Variants in TPH2 observed in about 807,000 individuals in gnomAD.
The protein encoded by TPH2 is tryptophan 5-hydroxylase 2.
A neutral mutation model predicts 59.1 loss-of-function variants in TPH2; 27 were observed. The observed-to-expected ratio is 0.46, with a 90% CI of 0.34 to 0.63. The LOEUF is 0.63. TPH2 is among the 30% of genes least tolerant of loss of function. TPH2 has a pLI of 0.01. For synonymous variants in TPH2, 220 were observed against 210.5 expected, an observed-to-expected ratio of 1.05 and a Z score of -0.39; for missense variants, 523 against 588.3, an observed-to-expected ratio of 0.89 and a Z score of 1.15.
rs748626445 is a variant in TPH2 at position 71,938,940 on chromosome 12, C to T, written c.-47C>T. Reference sequence around the variant, plus strand: ...CAATCTCCGCCAGCGCTGCTACTGCCCCTCTAGTACCCCCTGCTGCAGAGA... The same window carrying T: ...CAATCTCCGCCAGCGCTGCTACTGCTCCTCTAGTACCCCCTGCTGCAGAGA... On this transcript the variant is annotated 5_prime_UTR_variant, in exon 1 of 11. Transcript: ENST00000333850. 13 of 1,497,964 alleles carry T rather than the reference C, an allele frequency of 8.7e-6. No individual in the cohort carries two copies. Among genetic ancestry groups the T allele is most frequent in the Non-Finnish European group, 1.1e-5 (12 of 1,075,398 alleles). The allele number at this position is 1,497,964 out of a possible 1,614,324, so 92.8% of individuals were successfully genotyped here.
intron 7 of TPH2, among the ~76,000 whole-genome samples, chr12:71,983,935 C>T (rs1054209859): frequency 6.6e-6 from 1 of 152,136 alleles, no homozygotes; most frequent in African/African-American, 2.4e-5. Flanking sequence ...CGATAACTCA[C>T]AGTTCTTATC....
intron 5 of TPH2, among the ~76,000 whole-genome samples, chr12:71,959,223 T>C (rs565165185): frequency 2.6e-5 from 4 of 152,270 alleles, no homozygotes; most frequent in African/African-American, 7.2e-5. Flanking sequence ...AATGAACATA[T>C]TGGATTTCCA....
At chr12:72,031,470 C>A (rs41317120) in intron 10 of TPH2, 51 bp from the exon 11 acceptor site, 1 of 1,612,498 alleles carries the variant, frequency 6.2e-7, no homozygotes, top group African/African-American at 1.3e-5. Context: ...ATCTATCCCT[C>A]GTACCAATGA....
At position 71,939,688 on chromosome 12, in the gene TPH2, G is replaced by A. The variant is rs527910904; in HGVS notation, c.105+597G>A. Among the ~76,000 whole-genome samples the A allele has an allele frequency of 5.3e-5, 8 of 152,114 alleles. No homozygotes were observed. In the South Asian group the frequency reaches 6.2e-4, roughly 12 times the overall value. On this transcript the variant is annotated intron_variant, in intron 1 of 10. Transcript: ENST00000333850. ...CAGTTTACTTGATGGAATAATGAAA[G>A]CAATACACCACTTGCTATAGTATTT...
At chr12:71,945,857 C>G (rs142572239) in intron 4 of TPH2, among the ~76,000 whole-genome samples, 19 of 152,250 alleles carry the variant, frequency 1.2e-4, no homozygotes, top group African/African-American at 4.6e-4. Context: ...TGAATTCTCT[C>G]AAAGAAACAA....
intron 8 of TPH2, among the ~76,000 whole-genome samples, chr12:72,007,193 A>T (rs144675381): frequency 1.3e-5 from 2 of 152,306 alleles, no homozygotes; most frequent in African/African-American, 4.8e-5. Context: ...CTCCCCTAAG[A>T]GATGTCGAGC....
At chr12:71,993,932 GTCACAACTAC>G (rs1872635450) in intron 7 of TPH2, among the ~76,000 whole-genome samples, 1 of 152,204 alleles carries the variant, frequency 6.6e-6, no homozygotes, top group South Asian at 2.1e-4. Flanking sequence ...TATGATCTCA[GTCACAACTAC>G]TCAACTCTGC....
intron 2 of TPH2, among the ~76,000 whole-genome samples, chr12:71,941,951 G>T (rs1203031559): frequency 6.6e-6 from 1 of 152,158 alleles, no homozygotes; most frequent in African/African-American, 2.4e-5. Context: ...GAGTTAGCTG[G>T]TTAGGAACTC....
intron 5 of TPH2, among the ~76,000 whole-genome samples, chr12:71,966,733 T>C (rs1375476698): frequency 6.6e-6 from 1 of 152,210 alleles, no homozygotes; most frequent in East Asian, 1.9e-4. Flanking sequence ...AGAACACAAT[T>C]GGTGTTGTGA....
chr12:71,949,712 T>C (rs960933722), intron 5 of TPH2, 57 bp downstream of exon 5: 1 of 1,449,746 alleles, frequency 6.9e-7, no homozygotes, highest in African/African-American at 1.4e-5. Flanking sequence ...ACACATGCTG[T>C]GTTAAACAAA....
Position 72,032,063 on chromosome 12 carries a change from T to A in TPH2, c.*368T>A. On this transcript the variant is annotated 3_prime_UTR_variant, in exon 11 of 11. Coordinates refer to ENST00000333850, the MANE Select transcript of TPH2 (RefSeq NM_173353.4). ...AAGCCTTTCCTCTGTGTTCATTAGA[T>A]AAAATGAAAAAAAGCAGTGAAGCTG... The A allele has an allele frequency of 8.5e-6, 2 of 234,128 alleles. No homozygotes were observed. Among genetic ancestry groups the A allele is most frequent in the Non-Finnish European group, 1.7e-5 (2 of 116,790 alleles). 14.5% of individuals were successfully genotyped at this position (234,128 alleles called of 1,614,324 possible). A position where few individuals can be genotyped will look rare whatever the true frequency, so the allele number is the denominator to read the frequency against.
intron 5 of TPH2, among the ~76,000 whole-genome samples, chr12:71,954,604 T>C (rs1227164942): frequency 2.6e-5 from 4 of 152,182 alleles, no homozygotes; most frequent in Admixed American, 6.5e-5. Flanking sequence ...AAATTATGAC[T>C]GCGATGTAGT....
At position 71,944,566 on chromosome 12, in the gene TPH2, A is replaced by C. The variant is rs1871153879; in HGVS notation, c.440-20A>C. On this transcript the variant is annotated intron_variant, in intron 3 of 10. Transcript: ENST00000333850. ...ACAATCTGTGAACTAATATTTTTGA[A>C]CCTGCACTGTTTTCAACAGAGCTAG... 1.2e-6 allele frequency: 2 copies of C among 1,613,696 alleles called. No homozygotes were observed. The highest frequency in any genetic ancestry group is 1.3e-5 in the African/African-American group (1 of 75,004).
intron 8 of TPH2, among the ~76,000 whole-genome samples, chr12:72,016,453 A>G (rs947385856): frequency 2.6e-5 from 4 of 152,146 alleles, no homozygotes; most frequent in African/African-American, 9.7e-5. Context: ...AACTGTGTAC[A>G]AGATAAAGAT....
At chr12:72,021,175 T>C (rs1047365247) in intron 8 of TPH2, among the ~76,000 whole-genome samples, 3 of 152,206 alleles carry the variant, frequency 2.0e-5, no homozygotes, top group Non-Finnish European at 4.4e-5. Flanking sequence ...GCAAAAATAG[T>C]GCGAGTTCAG....
chr12:71,962,568 T>A (rs574029499), intron 5 of TPH2: 1 of 985,330 alleles, frequency 1.0e-6, no homozygotes, highest in African/African-American at 1.7e-5. Context: ...CCTGAATCTT[T>A]GCTTTTTGCA....
chr12:72,008,636 C>T (rs1873018313), intron 8 of TPH2, among the ~76,000 whole-genome samples: 1 of 152,080 alleles, frequency 6.6e-6, no homozygotes, highest in Non-Finnish European at 1.5e-5. Flanking sequence ...GAAAGGAATC[C>T]CCATTTTATA....
chr12:72,001,807 T>C (rs1050528869), intron 8 of TPH2, among the ~76,000 whole-genome samples: 1 of 152,180 alleles, frequency 6.6e-6, no homozygotes, highest in African/African-American at 2.4e-5. Flanking sequence ...TAAACCATTT[T>C]GTTAATTTAA....
chr12:71,944,262 A>G, intron 2 of TPH2, 32 bp from the exon 3 acceptor site: 1 of 1,612,688 alleles, frequency 6.2e-7, no homozygotes, highest in South Asian at 1.1e-5. Flanking sequence ...ATTGTCCCTG[A>G]AGGTGATTTT....
Sources: allele counts gnomAD v4.1 joint callset (sites outside exome capture counted in the v4.1 genomes callset), GRCh38; gene constraint gnomAD v4.1.1; transcripts MANE v1.5; gene names NCBI Gene and HGNC (gene_info 2026-07-23, HGNC 2026-07-21).